ILDR2: variants seen among roughly 807,000 people sequenced by gnomAD.
ILDR2 encodes the protein immunoglobulin-like domain-containing receptor 2.
In ILDR2, 25 loss-of-function variants were observed where a neutral mutation model predicts 66.8. The observed-to-expected ratio is 0.37, with a 90% confidence interval of 0.27 to 0.52. The LOEUF is 0.52. Among genes scored for constraint, ILDR2 ranks in the 20% least tolerant of loss-of-function variants. The pLI, the probability that ILDR2 is intolerant of heterozygous loss-of-function variation, is 0.88. For synonymous variants in ILDR2, 367 were observed against 357.2 expected (o/e 1.03, Z -0.31); for missense variants, 827 against 876.8 (o/e 0.94, Z 0.72).
At chr1:166,972,375 A>G (rs1663358753) in intron 1 of ILDR2, among the ~76,000 whole-genome samples, 1 of 152,216 alleles carries the variant, frequency 6.6e-6, no homozygotes, top group South Asian at 2.1e-4. Flanking sequence ...GCTGCCAGGA[A>G]AGGATAAAAC....
At chr1:166,929,478 G>A (rs905962926) in intron 6 of ILDR2, among the ~76,000 whole-genome samples, 5 of 152,152 alleles carry the variant, frequency 3.3e-5, no homozygotes, top group African/African-American at 1.2e-4. Context: ...TATGGTTCTG[G>A]ATCTCCATGT....
chr1:166,919,035 T>C lies in ILDR2; in HGVS notation c.*320A>G. The C allele has an allele frequency of 2.3e-6, 1 of 443,590 alleles. No individual in the cohort carries two copies. The highest frequency in any genetic ancestry group is 3.3e-5 in the East Asian group (1 of 30,350). 27.5% of individuals were successfully genotyped at this position (443,590 alleles called of 1,614,324 possible). A position where few individuals can be genotyped will look rare whatever the true frequency, so the allele number is the denominator to read the frequency against. On this transcript the variant is annotated 3_prime_UTR_variant, in exon 10 of 10. Coordinates refer to ENST00000271417, the MANE Select transcript of ILDR2 (RefSeq NM_199351.3). ...TTAGCAGTCCAGAGCTAACTCTCTT[T>C]CAGAATTGCAAATGGAGTCCTGGTT...
chr1:166,917,990 G>C lies in ILDR2; in HGVS notation c.*1365C>G, dbSNP rs1159262884. The C allele has an allele frequency of 2.0e-5, 3 of 152,162 alleles. No homozygotes were observed. The highest frequency in any genetic ancestry group is 7.2e-5 in the African/African-American group (3 of 41,444). The allele number at this position is 152,162 out of a possible 1,614,324, so 9.4% of individuals were successfully genotyped here. ...TCTCTGCTTGTGTCACATTTGTTGG[G>C]CTACTGGCTAAATCAAATCACATAG... On this transcript the variant is annotated 3_prime_UTR_variant, in exon 10 of 10. Transcript: ENST00000271417.
At position 166,936,009 on chromosome 1, in the gene ILDR2, CTCTT is replaced by C. The variant is rs1390851862; in HGVS notation, c.704-536_704-533del. Among the ~76,000 whole-genome samples the C allele has an allele frequency of 1.3e-5, 2 of 152,206 alleles. No individual in the cohort carries two copies. Among genetic ancestry groups the C allele is most frequent in the Admixed American group, 6.5e-5 (1 of 15,292 alleles). On this transcript the variant is annotated intron_variant, in intron 5 of 9. Coordinates refer to ENST00000271417, the MANE Select transcript of ILDR2 (RefSeq NM_199351.3). This position sits in a 1 kb window ranked among gnomAD's most constrained non-coding sequence, Gnocchi z 5.0. ...CACTAAAGATAACTGGTGTGCCTCT[CTCTT>C]TCAAGATGTGTTTGGTTTATGGGAG...
Position 166,909,775 on chromosome 1 carries a change from A to ATT in ILDR2, c.*9579_*9580insAA, listed in dbSNP as rs1659431661. ...TATATATATAAATATATATAAATAT[A>ATT]TATATTTATATATATATATATATAT... is the stretch of plus-strand genomic sequence containing the variant. On this transcript the variant is annotated 3_prime_UTR_variant, in exon 10 of 10. Transcript: ENST00000271417. 1.5e-5 allele frequency: 1 copy of ATT among 65,156 alleles called. No individual in the cohort carries two copies. The highest frequency in any genetic ancestry group is 7.2e-5 in the African/African-American group (1 of 13,962). 4.0% of individuals were successfully genotyped at this position (65,156 alleles called of 1,614,324 possible). A position where few individuals can be genotyped will look rare whatever the true frequency, so the allele number is the denominator to read the frequency against.
rs1464259732 is a variant in ILDR2, at chr1:166,915,295, C to T, written c.*4060G>A. 2.0e-5 allele frequency: 3 copies of T among 152,262 alleles called. No individual in the cohort carries two copies. The highest frequency in any genetic ancestry group is 2.0e-4 in the Admixed American group (3 of 15,282). 9.4% of individuals were successfully genotyped at this position (152,262 alleles called of 1,614,324 possible). On this transcript the variant is annotated 3_prime_UTR_variant, in exon 10 of 10. Coordinates refer to ENST00000271417, the MANE Select transcript of ILDR2 (RefSeq NM_199351.3). ...GCCAGCCCCAAAGGATTGAGAGGGACCTCACCAGGACATTTGAAGAAAAAA... is the reference window on the plus strand; with the variant it reads ...GCCAGCCCCAAAGGATTGAGAGGGATCTCACCAGGACATTTGAAGAAAAAA...
Position 166,917,340 on chromosome 1 carries a change from T to A in ILDR2, c.*2015A>T, listed in dbSNP as rs371340331. 1 of 152,234 alleles carries A rather than the reference T, an allele frequency of 6.6e-6. No homozygotes were observed. Among genetic ancestry groups the A allele is most frequent in the African/African-American group, 2.4e-5 (1 of 41,440 alleles). 9.4% of individuals were successfully genotyped at this position (152,234 alleles called of 1,614,324 possible). ...CCACTTTCTTATTTCATTGCAAACA[T>A]AGGACTTTTTTTGGAAATGTCATGA... is the stretch of plus-strand genomic sequence containing the variant. On this transcript the variant is annotated 3_prime_UTR_variant, in exon 10 of 10. Transcript: ENST00000271417.
chr1:166,936,814 C>A lies in ILDR2; in HGVS notation c.557-77G>T. ...AGGGTGCACTTTGATTGGCATCTCCCGGTGAAAGGGGGAGAGGAGGAGGGA... is the reference window on the plus strand; with the variant it reads ...AGGGTGCACTTTGATTGGCATCTCCAGGTGAAAGGGGGAGAGGAGGAGGGA... On this transcript the variant is annotated intron_variant, in intron 4 of 9. Coordinates refer to ENST00000271417, the MANE Select transcript of ILDR2 (RefSeq NM_199351.3). The surrounding 1 kb of genome is among the most constrained non-coding windows in gnomAD (Gnocchi z 5.0). 1 of 1,432,866 alleles carries A rather than the reference C, an allele frequency of 7.0e-7. No individual in the cohort carries two copies. The highest frequency in any genetic ancestry group is 9.7e-7 in the Non-Finnish European group (1 of 1,028,778). 88.8% of individuals were successfully genotyped at this position (1,432,866 alleles called of 1,614,324 possible).
intron 3 of ILDR2, among the ~76,000 whole-genome samples, chr1:166,943,521 C>T (rs1270031346): frequency 1.4e-5 from 2 of 142,726 alleles, no homozygotes. Flanking sequence ...AAAAAAGGCT[C>T]TATAGCTTTT....
intron 7 of ILDR2, among the ~76,000 whole-genome samples, chr1:166,926,098 C>T (rs1660263177): frequency 6.6e-6 from 1 of 152,202 alleles, no homozygotes. Flanking sequence ...GAATTGCAAA[C>T]TGGGTGGAAT....
chr1:166,895,803 G>T (rs1306546637), exon 3 of ILDR2: 2 of 152,178 alleles, frequency 1.3e-5, no homozygotes, highest in African/African-American at 4.8e-5. Context: ...TTATGTTTAG[G>T]TTTGATGAAT....
chr1:166,935,602 T>G (rs2101901976), intron 5 of ILDR2, 125 bp from the exon 6 acceptor site: 1 of 824,942 alleles, frequency 1.2e-6, no homozygotes, highest in Non-Finnish European at 1.8e-6. Context: ...GTGTGAGCGT[T>G]TGTTCTTCTA....
At position 166,923,873 on chromosome 1, in the gene ILDR2, T is replaced by C. The variant is rs531140829; in HGVS notation, c.995-1064A>G. 2.6e-5 allele frequency among the ~76,000 whole-genome samples: 4 copies of C among 152,394 alleles called. No homozygotes were observed. In the South Asian group the frequency reaches 8.3e-4, roughly 32 times the overall value. ...AATGTAACTGAATCCATTGGTTTTC[T>C]AAAGTCCTTTAATTAGAACTTCAAA... is the stretch of plus-strand genomic sequence containing the variant. On this transcript the variant is annotated intron_variant, in intron 7 of 9. Coordinates refer to ENST00000271417, the MANE Select transcript of ILDR2 (RefSeq NM_199351.3).
At chr1:166,965,397 G>C (rs1234362925) in intron 1 of ILDR2, among the ~76,000 whole-genome samples, 1 of 151,942 alleles carries the variant, frequency 6.6e-6, no homozygotes, top group Non-Finnish European at 1.5e-5. Flanking sequence ...AACAAAGTTT[G>C]TGTACATTGA....
Position 166,911,466 on chromosome 1 carries a change from T to C in ILDR2, c.*7889A>G, listed in dbSNP as rs987290543. 1 of 152,116 alleles carries C rather than the reference T, an allele frequency of 6.6e-6. No homozygotes were observed. The highest frequency in any genetic ancestry group is 1.5e-5 in the Non-Finnish European group (1 of 68,028). The allele number at this position is 152,116 out of a possible 1,614,324, so 9.4% of individuals were successfully genotyped here. A position where few individuals can be genotyped will look rare whatever the true frequency, so the allele number is the denominator to read the frequency against. On this transcript the variant is annotated 3_prime_UTR_variant, in exon 10 of 10. Transcript: ENST00000271417. Reference sequence around the variant, plus strand: ...TTTTCTTGACTGGCACAATGTAATATGGCATTGCACCACACATGAGCTTAA... The same window carrying C: ...TTTTCTTGACTGGCACAATGTAATACGGCATTGCACCACACATGAGCTTAA...
intron 1 of ILDR2, among the ~76,000 whole-genome samples, chr1:166,959,846 G>A (rs1171593920): frequency 6.6e-6 from 1 of 152,170 alleles, no homozygotes; most frequent in Non-Finnish European, 1.5e-5. Context: ...CAGAAAAAAC[G>A]AATATGAAGA....
chr1:166,974,538 T>C (rs963365933), intron 1 of ILDR2, among the ~76,000 whole-genome samples: 2 of 152,166 alleles, frequency 1.3e-5, no homozygotes, highest in African/African-American at 4.8e-5. Context: ...CTCTGCAAAT[T>C]ATCTTTTAGG....
intron 1 of ILDR2, among the ~76,000 whole-genome samples, chr1:166,959,100 A>G (rs1662457849): frequency 6.6e-6 from 1 of 152,198 alleles, no homozygotes; most frequent in African/African-American, 2.4e-5. Context: ...GTCTTTGCAC[A>G]TGATGTCTCC....
chr1:166,918,990 G>A lies in ILDR2; in HGVS notation c.*365C>T, dbSNP rs1431173639. The stretch of plus-strand genomic sequence containing the variant: ...GGAGGTATAGAAAAGCATATTGTAG[G>A]CATAGGCAATTTCTGGAGTTTAGCA... On this transcript the variant is annotated 3_prime_UTR_variant, in exon 10 of 10. Coordinates refer to ENST00000271417, the MANE Select transcript of ILDR2 (RefSeq NM_199351.3). 1 of 400,260 alleles carries A rather than the reference G, an allele frequency of 2.5e-6. No individual in the cohort carries two copies. The highest frequency in any genetic ancestry group is 2.0e-5 in the African/African-American group (1 of 49,120). 24.8% of individuals were successfully genotyped at this position (400,260 alleles called of 1,614,324 possible).
Sources: allele counts gnomAD v4.1 joint callset (sites outside exome capture counted in the v4.1 genomes callset), GRCh38; gene constraint gnomAD v4.1.1; non-coding constraint Gnocchi (gnomAD v3.1); transcripts MANE v1.5; gene names NCBI Gene and HGNC (gene_info 2026-07-23, HGNC 2026-07-21).